Variants in ANKRD63 observed in about 807,000 individuals in gnomAD.
ANKRD63 encodes the protein ankyrin repeat domain 63.
ANKRD63 carries 18 observed loss-of-function variants against 21.2 expected under a neutral mutation model. The ratio of observed to expected loss-of-function variants is 0.85; its 90% confidence interval spans 0.59 to 1.26. The LOEUF is 1.26. Among genes scored for constraint, ANKRD63 ranks in the 50% most tolerant of loss-of-function variants. The pLI, the probability that ANKRD63 is intolerant of heterozygous loss-of-function variation, is 0.00. For synonymous variants in ANKRD63, 322 were observed against 273.3 expected (o/e 1.18, Z -1.76); for missense variants, 523 against 570.9 (o/e 0.92, Z 0.85).
At position 40,282,400 on chromosome 15, in the gene ANKRD63, G is replaced by C. The variant is rs1215293352; in HGVS notation, c.187C>G (p.Arg63Gly). ...AGCAGCAGCCGCACGAAGCGCGCGCGCAGCGCGGGGTCCGGCAGCCCCACG... is the reference window on the plus strand; with the variant it reads ...AGCAGCAGCCGCACGAAGCGCGCGCCCAGCGCGGGGTCCGGCAGCCCCACG... Reference protein sequence around the residue: ...VAVGLPDPALRARFVRLLLEQ... With the variant: ...VAVGLPDPALGARFVRLLLEQ... The change falls in exon 1 of 1, where the codon CGC becomes GGC. Residue 63 changes from arginine (R) to glycine (G), a missense_variant. Transcript: ENST00000434396. 2 of 1,499,846 alleles carry C rather than the reference G, an allele frequency of 1.3e-6. No individual in the cohort carries two copies. The highest frequency in any genetic ancestry group is 2.3e-5 in the Admixed American group (1 of 44,400). The allele number at this position is 1,499,846 out of a possible 1,614,324, so 92.9% of individuals were successfully genotyped here. A position where few individuals can be genotyped will look rare whatever the true frequency, so the allele number is the denominator to read the frequency against.
chr15:40,281,380 A>C lies in ANKRD63; in HGVS notation c.*64T>G. The C allele has an allele frequency of 1.5e-6, 2 of 1,290,628 alleles. No individual in the cohort carries two copies. The highest frequency in any genetic ancestry group is 2.0e-6 in the Non-Finnish European group (2 of 1,005,632). 79.9% of individuals were successfully genotyped at this position (1,290,628 alleles called of 1,614,324 possible). On this transcript the variant is annotated 3_prime_UTR_variant, in exon 1 of 1. Coordinates refer to ENST00000434396, the MANE Select transcript of ANKRD63 (RefSeq NM_001190479.3). The stretch of plus-strand genomic sequence containing the variant: ...GCCGAAAAGGTGAGGGACCTAGAAG[A>C]GAGAAATACCAGTGGAGTAGAAACG...
rs970535058 is a variant in ANKRD63, at chr15:40,278,532, C to T, written c.*2912G>A. Among the ~76,000 whole-genome samples, 2 of 152,078 alleles carry T rather than the reference C, an allele frequency of 1.3e-5. No individual in the cohort carries two copies. Among genetic ancestry groups the T allele is most frequent in the South Asian group, 2.1e-4 (1 of 4,818 alleles). Reference sequence around the variant, plus strand: ...AGTGCCAGCATCCTGGGTGACTCTTCACAATGACAAAAGCAACAAGAACTG... The same window carrying T: ...AGTGCCAGCATCCTGGGTGACTCTTTACAATGACAAAAGCAACAAGAACTG... On this transcript the variant is annotated 3_prime_UTR_variant, in exon 1 of 1. Coordinates refer to ENST00000434396, the MANE Select transcript of ANKRD63 (RefSeq NM_001190479.3).
Position 40,281,320 on chromosome 15 carries a change from G to A in ANKRD63, c.*124C>T, listed in dbSNP as rs1595613139. 1 of 758,366 alleles carries A rather than the reference G, an allele frequency of 1.3e-6. No individual in the cohort carries two copies. The highest frequency in any genetic ancestry group is 3.9e-5 in the Admixed American group (1 of 25,720). The allele number at this position is 758,366 out of a possible 1,614,324, so 47.0% of individuals were successfully genotyped here. On this transcript the variant is annotated 3_prime_UTR_variant, in exon 1 of 1. Coordinates refer to ENST00000434396, the MANE Select transcript of ANKRD63 (RefSeq NM_001190479.3). The stretch of plus-strand genomic sequence containing the variant: ...CTGGTGGAGGTCTCGCCTTGGCAGG[G>A]AGGCAGGTTCCAAAATGGACTGCGG...
In ANKRD63 at chr15:40,281,330, C is replaced by T. The variant is rs1353828308; in HGVS notation, c.*114G>A. On this transcript the variant is annotated 3_prime_UTR_variant, in exon 1 of 1. Transcript: ENST00000434396. ...TCTCGCCTTGGCAGGGAGGCAGGTT[C>T]CAAAATGGACTGCGGGGGGCGGCTG... 3 of 929,824 alleles carry T rather than the reference C, an allele frequency of 3.2e-6. No homozygotes were observed. In the Admixed American group the frequency reaches 1.2e-4, roughly 36 times the overall value. The allele number at this position is 929,824 out of a possible 1,614,324, so 57.6% of individuals were successfully genotyped here.
In ANKRD63 at chr15:40,279,759, T is replaced by C. The variant is rs961248620; in HGVS notation, c.*1685A>G. 5.9e-5 allele frequency among the ~76,000 whole-genome samples: 9 copies of C among 152,372 alleles called. No individual in the cohort carries two copies. Among genetic ancestry groups the C allele is most frequent in the Admixed American group, 3.3e-4 (5 of 15,312 alleles). On this transcript the variant is annotated 3_prime_UTR_variant, in exon 1 of 1. Coordinates refer to ENST00000434396, the MANE Select transcript of ANKRD63 (RefSeq NM_001190479.3). ...CTCTGGGCAGTTCCCTGGGAGTTGC[T>C]GGCGAGAAACCTTCCGTACTGCAAA... is the stretch of plus-strand genomic sequence containing the variant.
At position 40,280,109 on chromosome 15, in the gene ANKRD63, C is replaced by T. The variant is rs1190137021; in HGVS notation, c.*1335G>A. ...TCATCTACCCAGTAATAAAACTGGG[C>T]CGGGCCTGCGTCCCACGCGGTAGGA... On this transcript the variant is annotated 3_prime_UTR_variant, in exon 1 of 1. Transcript: ENST00000434396. 6.6e-6 allele frequency among the ~76,000 whole-genome samples: 1 copy of T among 152,224 alleles called. No homozygotes were observed. The highest frequency in any genetic ancestry group is 1.5e-5 in the Non-Finnish European group (1 of 68,040).
rs1346085653 is a variant in ANKRD63 at position 40,280,462 on chromosome 15, G to A, written c.*982C>T. On this transcript the variant is annotated 3_prime_UTR_variant, in exon 1 of 1. Coordinates refer to ENST00000434396, the MANE Select transcript of ANKRD63 (RefSeq NM_001190479.3). ...AACACGAGTTCTTTGAGGATTGGAA[G>A]AAATACAATTAAGCACAGCCTTCGC... Among the ~76,000 whole-genome samples, 1 of 152,272 alleles carries A rather than the reference G, an allele frequency of 6.6e-6. No homozygotes were observed. The highest frequency in any genetic ancestry group is 1.5e-5 in the Non-Finnish European group (1 of 68,044).
chr15:40,282,097 G>A lies in ANKRD63; in HGVS notation c.490C>T (p.Arg164Cys), dbSNP rs1309218486. 1 of 1,383,946 alleles carries A rather than the reference G, an allele frequency of 7.2e-7. No individual in the cohort carries two copies. Among genetic ancestry groups the A allele is most frequent in the Non-Finnish European group, 9.3e-7 (1 of 1,079,446 alleles). 85.7% of individuals were successfully genotyped at this position (1,383,946 alleles called of 1,614,324 possible). ...GCCTGCACACAGGTCCCGTGGCCGC[G>A]GGCGGCGGCCAGTTGCAGCGCGGTG... The part of the protein sequence containing the change: ...GLTALQLAAA[R>C]GHGTCVQALT... Residue 164 changes from arginine to cysteine, a missense_variant, in exon 1 of 1, where the codon CGC becomes TGC. This residue lies in a region of ANKRD63 where 215 missense variants were observed against 280.4 expected (regional missense o/e 0.77). Coordinates refer to ENST00000434396, the MANE Select transcript of ANKRD63 (RefSeq NM_001190479.3).
At position 40,280,146 on chromosome 15, in the gene ANKRD63, G is replaced by C. The variant is rs1474497255; in HGVS notation, c.*1298C>G. 6.6e-6 allele frequency among the ~76,000 whole-genome samples: 1 copy of C among 152,250 alleles called. No homozygotes were observed. On this transcript the variant is annotated 3_prime_UTR_variant, in exon 1 of 1. Transcript: ENST00000434396. The stretch of plus-strand genomic sequence containing the variant: ...CCCACGCGGTAGGACCAAGGCAGGA[G>C]TCCCGGGTCTCGAACTCTAGCATCC...
rs1275659075 is a variant in ANKRD63 at position 40,278,492 on chromosome 15, G to C, written c.*2952C>G. ...CACAGCTCACACACACACCACTTCT[G>C]ATCTTAGGGTACCAAGTGCCAGCAT... On this transcript the variant is annotated 3_prime_UTR_variant, in exon 1 of 1. Coordinates refer to ENST00000434396, the MANE Select transcript of ANKRD63 (RefSeq NM_001190479.3). The C allele has an allele frequency of 6.6e-6, 1 of 152,226 alleles. No individual in the cohort carries two copies. The highest frequency in any genetic ancestry group is 2.4e-5 in the African/African-American group (1 of 41,436). 9.4% of individuals were successfully genotyped at this position (152,226 alleles called of 1,614,324 possible).
In ANKRD63 at chr15:40,282,592, C is replaced by A; in HGVS notation, c.-6G>T. ...AGGTCCTTGGGTTTGAGCATGGCCC[C>A]GGCCGCCGCGCCCGGGCAGCCTGGC... is the stretch of plus-strand genomic sequence containing the variant. On this transcript the variant is annotated 5_prime_UTR_variant, in exon 1 of 1. Coordinates refer to ENST00000434396, the MANE Select transcript of ANKRD63 (RefSeq NM_001190479.3). The A allele has an allele frequency of 7.3e-7, 1 of 1,378,808 alleles. No individual in the cohort carries two copies. Among genetic ancestry groups the A allele is most frequent in the Non-Finnish European group, 9.3e-7 (1 of 1,071,696 alleles). 85.4% of individuals were successfully genotyped at this position (1,378,808 alleles called of 1,614,324 possible). A position where few individuals can be genotyped will look rare whatever the true frequency, so the allele number is the denominator to read the frequency against.
rs1046128302 is a variant in ANKRD63, at chr15:40,279,142, C to T, written c.*2302G>A. Among the ~76,000 whole-genome samples the T allele has an allele frequency of 8.0e-5, 12 of 150,712 alleles. No homozygotes were observed. Among genetic ancestry groups the T allele is most frequent in the African/African-American group, 1.2e-4 (5 of 40,650 alleles). ...CAGGCACTTGGTATTGTGCACCCACCACCCAGACGGGGACTGAGGAGAGGC... is the reference window on the plus strand; with the variant it reads ...CAGGCACTTGGTATTGTGCACCCACTACCCAGACGGGGACTGAGGAGAGGC... On this transcript the variant is annotated 3_prime_UTR_variant, in exon 1 of 1. Coordinates refer to ENST00000434396, the MANE Select transcript of ANKRD63 (RefSeq NM_001190479.3).
Position 40,278,782 on chromosome 15 carries a change from A to G in ANKRD63, c.*2662T>C, listed in dbSNP as rs2039510964. 6.6e-6 allele frequency among the ~76,000 whole-genome samples: 1 copy of G among 152,200 alleles called. No homozygotes were observed. The highest frequency in any genetic ancestry group is 2.4e-5 in the African/African-American group (1 of 41,450). Reference sequence around the variant, plus strand: ...CAGGAAAGAGCCGCTGCAGTTGTTTAGAAACATCGCTTTCTACCACCAAGC... The same window carrying G: ...CAGGAAAGAGCCGCTGCAGTTGTTTGGAAACATCGCTTTCTACCACCAAGC... On this transcript the variant is annotated 3_prime_UTR_variant, in exon 1 of 1. Coordinates refer to ENST00000434396, the MANE Select transcript of ANKRD63 (RefSeq NM_001190479.3).
At position 40,278,509 on chromosome 15, in the gene ANKRD63, T is replaced by C. The variant is rs7495060; in HGVS notation, c.*2935A>G. 0.98 allele frequency among the ~76,000 whole-genome samples: 148,803 copies of C among 152,326 alleles called. 72,779 individuals carry two copies. Among genetic ancestry groups the C allele is most frequent in the East Asian group, 1 (5,196 of 5,196 alleles). ...CCACTTCTGATCTTAGGGTACCAAG[T>C]GCCAGCATCCTGGGTGACTCTTCAC... On this transcript the variant is annotated 3_prime_UTR_variant, in exon 1 of 1. Coordinates refer to ENST00000434396, the MANE Select transcript of ANKRD63 (RefSeq NM_001190479.3).
At position 40,282,813 on chromosome 15, in the gene ANKRD63, CT is replaced by C. The variant is rs1485943194; in HGVS notation, c.-228del. ...GCGTGTCGCCGCTCCTTCCCCGGGCCTCCCGCCTGGAGGTGTTGATTGCTCG... is the reference window on the plus strand; with the variant it reads ...GCGTGTCGCCGCTCCTTCCCCGGGCCCCCGCCTGGAGGTGTTGATTGCTCG... On this transcript the variant is annotated 5_prime_UTR_variant, in exon 1 of 1. Coordinates refer to ENST00000434396, the MANE Select transcript of ANKRD63 (RefSeq NM_001190479.3). 1.3e-5 allele frequency among the ~76,000 whole-genome samples: 2 copies of C among 152,202 alleles called. No individual in the cohort carries two copies. Among genetic ancestry groups the C allele is most frequent in the Non-Finnish European group, 2.9e-5 (2 of 68,024 alleles).
chr15:40,282,400 G>T lies in ANKRD63; in HGVS notation c.187C>A (p.Arg63Ser). 1 of 1,499,846 alleles carries T rather than the reference G, an allele frequency of 6.7e-7. No individual in the cohort carries two copies. Among genetic ancestry groups the T allele is most frequent in the Non-Finnish European group, 8.8e-7 (1 of 1,133,710 alleles). 92.9% of individuals were successfully genotyped at this position (1,499,846 alleles called of 1,614,324 possible). A position where few individuals can be genotyped will look rare whatever the true frequency, so the allele number is the denominator to read the frequency against. The change falls in exon 1 of 1, where the codon CGC becomes AGC. Residue 63 changes from arginine (R) to serine (S), a missense_variant. Arg to Ser is a moderately radical substitution (Grantham distance 110). Around this residue, in one of 2 missense-constraint regions of ANKRD63, gnomAD observed 215 missense variants for 280.4 expected, o/e 0.77. Transcript: ENST00000434396. ...VAVGLPDPALRARFVRLLLEQ... is the reference protein window; with the variant it reads ...VAVGLPDPALSARFVRLLLEQ... Reference sequence around the variant, plus strand: ...AGCAGCAGCCGCACGAAGCGCGCGCGCAGCGCGGGGTCCGGCAGCCCCACG... The same window carrying T: ...AGCAGCAGCCGCACGAAGCGCGCGCTCAGCGCGGGGTCCGGCAGCCCCACG...
rs2039548568 is a variant in ANKRD63, at chr15:40,281,920, CA to C, written c.666del (p.Phe222LeufsTer36). The C allele has an allele frequency of 7.1e-7, 1 of 1,403,538 alleles. No individual in the cohort carries two copies. The highest frequency in any genetic ancestry group is 1.5e-5 in the African/African-American group (1 of 65,772). 86.9% of individuals were successfully genotyped at this position (1,403,538 alleles called of 1,614,324 possible). A position where few individuals can be genotyped will look rare whatever the true frequency, so the allele number is the denominator to read the frequency against. ...RRLPRPLLAR[F>X]ARAAGGHGGE... The stretch of plus-strand genomic sequence containing the variant: ...CCGCCGTGGCCGCCCGCCGCTCGCG[CA>C]AAGCGCGCCAGGAGAGGCCGCGGGA... On this transcript the variant is annotated frameshift_variant, in exon 1 of 1. Transcript: ENST00000434396. LOFTEE classifies it high-confidence loss of function.
In ANKRD63 at chr15:40,281,879, C is replaced by T. The variant is rs1241517007; in HGVS notation, c.708G>A (p.Ala236=). ...AGGHGGEAGS[A]GKNSGRHRAQ... ...CCCGGTGCCGGCCCGAATTCTTGCC[C>T]GCTGAGCCAGCCTCGCCGCCGTGGC... is the stretch of plus-strand genomic sequence containing the variant. The change falls in exon 1 of 1, where the codon GCG becomes GCA. Residue 236 remains alanine (A), a synonymous_variant. Coordinates refer to ENST00000434396, the MANE Select transcript of ANKRD63 (RefSeq NM_001190479.3). The T allele has an allele frequency of 4.5e-5, 66 of 1,472,440 alleles. No individual in the cohort carries two copies. The highest frequency in any genetic ancestry group is 3.4e-4 in the Admixed American group (14 of 41,268). 91.2% of individuals were successfully genotyped at this position (1,472,440 alleles called of 1,614,324 possible). A position where few individuals can be genotyped will look rare whatever the true frequency, so the allele number is the denominator to read the frequency against.
rs2039559455 is a variant in ANKRD63, at chr15:40,282,642, T to C, written c.-56A>G. 14 of 1,287,178 alleles carry C rather than the reference T, an allele frequency of 1.1e-5. No homozygotes were observed. The South Asian group carries it at 2.7e-4, about 25-fold the overall frequency. 79.7% of individuals were successfully genotyped at this position (1,287,178 alleles called of 1,614,324 possible). On this transcript the variant is annotated 5_prime_UTR_variant, in exon 1 of 1. Transcript: ENST00000434396. ...CAGTTCCGCACGGGGGCGCCCCTGTTCTCGCGCCCCGCGGGGCTCCGGCCT... is the reference window on the plus strand; with the variant it reads ...CAGTTCCGCACGGGGGCGCCCCTGTCCTCGCGCCCCGCGGGGCTCCGGCCT...
Sources: gnomAD v4.1 joint callset for allele counts (sites outside exome capture counted in the v4.1 genomes callset) on GRCh38, gnomAD v4.1.1 for gene constraint, gnomAD v4.1.1 regional missense constraint, MANE v1.5 for transcripts, NCBI Gene and HGNC (gene_info 2026-07-23, HGNC 2026-07-21) for gene names.